The following RAB5A variants were observed in gnomAD, a reference collection of about 807,000 sequenced individuals.
The protein encoded by RAB5A is ras-related protein Rab-5A.
In RAB5A, 8 loss-of-function variants were observed where a neutral mutation model predicts 25.7. That is an observed-to-expected ratio of 0.31 (90% CI 0.18 to 0.56). RAB5A has a LOEUF of 0.56. Ranked by LOEUF, RAB5A falls within the 20% of genes least tolerant of loss-of-function variation. The pLI is 0.91. For missense variants in RAB5A, 192 were observed against 259.7 expected, an observed-to-expected ratio of 0.74 and a Z score of 1.79; for synonymous variants, 98 against 89.8, an observed-to-expected ratio of 1.09 and a Z score of -0.52.
At chr3:19,952,638 T>C (rs1311396523) in intron 2 of RAB5A, among the ~76,000 whole-genome samples, 1 of 152,246 alleles carries the variant, frequency 6.6e-6, no homozygotes, top group Non-Finnish European at 1.5e-5. Flanking sequence ...TAGAATGTTT[T>C]ATGTTTTTTC....
rs1368376829 is a variant in RAB5A, at chr3:19,984,716, A to T, written c.*893A>T. 6.5e-6 allele frequency: 1 copy of T among 154,508 alleles called. No homozygotes were observed. Among genetic ancestry groups the T allele is most frequent in the Non-Finnish European group, 1.4e-5 (1 of 69,504 alleles). 9.6% of individuals were successfully genotyped at this position (154,508 alleles called of 1,614,324 possible). On this transcript the variant is annotated 3_prime_UTR_variant, in exon 6 of 6. Coordinates refer to ENST00000273047, the MANE Select transcript of RAB5A (RefSeq NM_004162.5). ...AATTCGATCTTCAGCTGTACTGTAA[A>T]TAGGGTACTGCATTGTAGTCTCCAT... is the stretch of plus-strand genomic sequence containing the variant.
chr3:19,979,736 G>T (rs2125132328), intron 5 of RAB5A, among the ~76,000 whole-genome samples: 1 of 151,940 alleles, frequency 6.6e-6, no homozygotes, highest in East Asian at 1.9e-4. Context: ...TCTTTCCAGT[G>T]GTTTTAATGT....
chr3:19,980,508 A>G (rs912710591), intron 5 of RAB5A, among the ~76,000 whole-genome samples: 1 of 151,028 alleles, frequency 6.6e-6, no homozygotes, highest in Non-Finnish European at 1.5e-5. Context: ...CTTAAATCAC[A>G]CAGTGCACTC....
At chr3:19,971,025 C>T (rs1696741684) in intron 2 of RAB5A, among the ~76,000 whole-genome samples, 1 of 151,912 alleles carries the variant, frequency 6.6e-6, no homozygotes, top group Non-Finnish European at 1.5e-5. Context: ...GGTGAAACCC[C>T]ATCTCTACTA....
At chr3:19,966,628 C>T (rs1031090657) in intron 2 of RAB5A, among the ~76,000 whole-genome samples, 7 of 152,102 alleles carry the variant, frequency 4.6e-5, no homozygotes, top group African/African-American at 1.7e-4. Flanking sequence ...TTTTCCATAC[C>T]AGCTGCAAAG....
intron 2 of RAB5A, among the ~76,000 whole-genome samples, chr3:19,969,044 G>GTTTTTTTTTTTTT (rs746635502): frequency 1.2e-3 from 81 of 65,526 alleles, no homozygotes; most frequent in East Asian, 1.7e-3. Flanking sequence ...TTTTTTTTTT[G>GTTTTTTTTTTTTT]GTTTTTTTTT....
chr3:19,964,854 G>T (rs35713165), intron 2 of RAB5A, among the ~76,000 whole-genome samples: 22,069 of 151,526 alleles, frequency 0.15, 1,659 homozygotes, highest in South Asian at 0.21. Context: ...GTCCCACCTT[G>T]GCCTCCTAAA....
intron 2 of RAB5A, among the ~76,000 whole-genome samples, chr3:19,963,103 C>T (rs1191169770): frequency 6.6e-6 from 1 of 152,130 alleles, no homozygotes; most frequent in Non-Finnish European, 1.5e-5. Flanking sequence ...GCCACCATGC[C>T]CAGCCTGTGT....
In RAB5A at chr3:19,984,384, A is replaced by T. The variant is rs1214984904; in HGVS notation, c.*561A>T. The T allele has an allele frequency of 3.4e-6, 1 of 291,432 alleles. No homozygotes were observed. The highest frequency in any genetic ancestry group is 1.2e-4 in the East Asian group (1 of 8,364). 18.1% of individuals were successfully genotyped at this position (291,432 alleles called of 1,614,324 possible). On this transcript the variant is annotated 3_prime_UTR_variant, in exon 6 of 6. Coordinates refer to ENST00000273047, the MANE Select transcript of RAB5A (RefSeq NM_004162.5). ...TACAAGGTCAGGGGTGGGGAAGAGT[A>T]TTAATGGTATCTTAATTATACCCAG...
chr3:19,965,657 A>G (rs1435793637), intron 2 of RAB5A, among the ~76,000 whole-genome samples: 2 of 152,156 alleles, frequency 1.3e-5, no homozygotes, highest in Non-Finnish European at 2.9e-5. Flanking sequence ...CCTGTGTATC[A>G]TTAATATTCT....
At chr3:19,954,395 T>C (rs142926963) in intron 2 of RAB5A, among the ~76,000 whole-genome samples, 1 of 152,372 alleles carries the variant, frequency 6.6e-6, no homozygotes, top group African/African-American at 2.4e-5. Context: ...TTTTAATCTC[T>C]ATTTGATTGT....
intron 2 of RAB5A, among the ~76,000 whole-genome samples, chr3:19,969,700 A>G (rs1696717042): frequency 6.6e-6 from 1 of 152,202 alleles, no homozygotes; most frequent in African/African-American, 2.4e-5. Flanking sequence ...ATTTTGATAA[A>G]TAATAAGTTT....
At chr3:19,963,525 G>T (rs1341482174) in intron 2 of RAB5A, among the ~76,000 whole-genome samples, 1 of 151,900 alleles carries the variant, frequency 6.6e-6, no homozygotes, top group Non-Finnish European at 1.5e-5. Context: ...TTTGGGGGTT[G>T]GCATAGATAA....
chr3:19,980,455 CTTTT>C (rs869252193), intron 5 of RAB5A, among the ~76,000 whole-genome samples: 1 of 118,446 alleles, frequency 8.4e-6, no homozygotes, highest in African/African-American at 3.2e-5. Flanking sequence ...ATTTTTTTTT[CTTTT>C]TTTTTTTGTT....
In RAB5A at chr3:19,951,274, A is replaced by G. The variant is rs561402866; in HGVS notation, c.163+213A>G. On this transcript the variant is annotated intron_variant, in intron 2 of 5. Transcript: ENST00000273047. ...TGTTTGGTTAATCCCTTGTGGTTAT[A>G]TTGTAGCTAAAATACAGATAAAAAA... The G allele has an allele frequency of 7.9e-5, 37 of 469,810 alleles. No homozygotes were observed. In the Admixed American group the frequency reaches 9.3e-4, roughly 12 times the overall value. The allele number at this position is 469,810 out of a possible 1,614,324, so 29.1% of individuals were successfully genotyped here. A position where few individuals can be genotyped will look rare whatever the true frequency, so the allele number is the denominator to read the frequency against.
chr3:19,952,765 GA>G (rs1430598311), intron 2 of RAB5A, among the ~76,000 whole-genome samples: 1 of 150,838 alleles, frequency 6.6e-6, no homozygotes, highest in Non-Finnish European at 1.5e-5. Flanking sequence ...TTTTTTCCCT[GA>G]AAGTACATCC....
intron 2 of RAB5A, among the ~76,000 whole-genome samples, chr3:19,958,955 A>T (rs1696545003): frequency 6.6e-6 from 1 of 152,196 alleles, no homozygotes; most frequent in South Asian, 2.1e-4. Flanking sequence ...AGAAAAAAGG[A>T]TTCTTGTAGA....
At chr3:19,967,950 T>C (rs948757720) in intron 2 of RAB5A, among the ~76,000 whole-genome samples, 3 of 152,220 alleles carry the variant, frequency 2.0e-5, no homozygotes, top group Non-Finnish European at 4.4e-5. Context: ...ATGATTCTTC[T>C]CTGTGTGTAA....
At chr3:19,951,620 A>C (rs1340007422) in intron 2 of RAB5A, among the ~76,000 whole-genome samples, 1 of 151,500 alleles carries the variant, frequency 6.6e-6, no homozygotes, top group Non-Finnish European at 1.5e-5. Context: ...GCAGCCTGAA[A>C]CTCTAGGCTC....
Sources: allele counts gnomAD v4.1 joint callset (sites outside exome capture counted in the v4.1 genomes callset), GRCh38; gene constraint gnomAD v4.1.1; transcripts MANE v1.5; gene names NCBI Gene and HGNC (gene_info 2026-07-23, HGNC 2026-07-21).